Variants in FOXP2 observed in about 807,000 individuals in gnomAD.
FOXP2 encodes forkhead box P2.
A neutral mutation model predicts 115.8 loss-of-function variants in FOXP2; 12 were observed. The ratio of observed to expected loss-of-function variants is 0.10; its 90% CI spans 0.07 to 0.17. FOXP2 has a LOEUF of 0.17. FOXP2 is among the 10% of genes least tolerant of loss of function. The pLI, the probability that FOXP2 is intolerant of heterozygous loss-of-function variation, is 1.00. For synonymous variants in FOXP2, 328 were observed against 297.7 expected (o/e 1.10, Z -1.05); for missense variants, 629 against 843.5 (o/e 0.75, Z 3.15).
intron 2 of FOXP2, among the ~76,000 whole-genome samples, chr7:114,382,506 G>C (rs540719645): frequency 2.0e-5 from 3 of 152,240 alleles, no homozygotes; most frequent in East Asian, 1.9e-4. Flanking sequence ...CTGGAAGCAA[G>C]CCCTATTAGG....
intron 2 of FOXP2, among the ~76,000 whole-genome samples, chr7:114,488,980 C>T (rs1315924029): frequency 1.3e-5 from 2 of 151,830 alleles, no homozygotes; most frequent in African/African-American, 4.8e-5. Flanking sequence ...AGAATAAAAC[C>T]CACTGTGATC....
At chr7:114,145,431 T>TTTTTTTCTTTTCTTTTCTTTTCTTTTC (rs1792337225) in intron 1 of FOXP2, among the ~76,000 whole-genome samples, 1 of 100,446 alleles carries the variant, frequency 1.0e-5, no homozygotes, top group Non-Finnish European at 2.2e-5. Flanking sequence ...GCTTTGCCAT[T>TTTTTTTCTTTTCTTTTCTTTTCTTTTC]TTTTCTTTTC....
chr7:114,507,614 A>G (rs1445256174), intron 2 of FOXP2, among the ~76,000 whole-genome samples: 1 of 151,936 alleles, frequency 6.6e-6, no homozygotes, highest in Admixed American at 6.6e-5. Flanking sequence ...GAAGGATGTC[A>G]CAGCTGAAGT....
chr7:114,202,056 C>T (rs1584542036), intron 1 of FOXP2, among the ~76,000 whole-genome samples: 1 of 152,276 alleles, frequency 6.6e-6, no homozygotes, highest in Admixed American at 6.5e-5. Context: ...CATGACCACA[C>T]AATTGGCAAT....
At chr7:114,387,769 T>C (rs993502183) in intron 2 of FOXP2, among the ~76,000 whole-genome samples, 1 of 152,198 alleles carries the variant, frequency 6.6e-6, no homozygotes, top group African/African-American at 2.4e-5. Flanking sequence ...AATCCTGGCA[T>C]GGTTTCTTAT....
intron 1 of FOXP2, among the ~76,000 whole-genome samples, chr7:114,422,377 C>T (rs1014717741): frequency 4.4e-4 from 66 of 151,598 alleles, no homozygotes; most frequent in African/African-American, 1.5e-3. Context: ...AGTAAGACTC[C>T]TCCACCAAAA....
At chr7:114,131,819 C>T (rs1791886432) in intron 1 of FOXP2, among the ~76,000 whole-genome samples, 1 of 152,128 alleles carries the variant, frequency 6.6e-6, no homozygotes, top group Non-Finnish European at 1.5e-5. Context: ...AAATCATTCA[C>T]ATAGGGTAGT....
chr7:114,417,409 T>C (rs1490993645), intron 1 of FOXP2, among the ~76,000 whole-genome samples: 1 of 152,012 alleles, frequency 6.6e-6, no homozygotes, highest in Non-Finnish European at 1.5e-5. Flanking sequence ...ATTTAGTATG[T>C]ACAAGTCAAT....
rs138684494 is a variant in FOXP2, at chr7:114,329,644, T to TTTTATTTA, written c.-11+41575_-11+41582dup. On this transcript the variant is annotated intron_variant, in intron 2 of 17. Coordinates refer to the FOXP2 transcript ENST00000634411. ...ACCGTGCCATTTTTCACTATGTAAG[T>TTTTATTTA]TTTATTTATTTATTTATTTATTTAT... Among the ~76,000 whole-genome samples, 182 of 147,538 alleles carry TTTTATTTA rather than the reference T, an allele frequency of 1.2e-3. 1 individual carries two copies. Among genetic ancestry groups the TTTTATTTA allele is most frequent in the Middle Eastern group, 3.4e-3 (1 of 290 alleles).
intron 2 of FOXP2, among the ~76,000 whole-genome samples, chr7:114,467,401 G>A (rs1280872901): frequency 1.3e-5 from 2 of 152,122 alleles, no homozygotes; most frequent in African/African-American, 4.8e-5. Flanking sequence ...AGAAGTGCCT[G>A]TAAACTCCAA....
intron 2 of FOXP2, among the ~76,000 whole-genome samples, chr7:114,517,482 A>C (rs994344011): frequency 4.6e-5 from 7 of 152,042 alleles, no homozygotes; most frequent in Non-Finnish European, 1.0e-4. Context: ...CTACATTTAC[A>C]GTTGTTTATG....
intron 1 of FOXP2, among the ~76,000 whole-genome samples, chr7:114,135,325 T>C (rs1013954076): frequency 4.8e-4 from 73 of 152,278 alleles, no homozygotes; most frequent in Non-Finnish European, 9.4e-4. Flanking sequence ...ACCTATTTTG[T>C]AGGTAAAAGC....
rs112984622 is a variant in FOXP2, at chr7:114,445,965, G to C, written c.168+19286G>C. ...GTGTGACAATGTAATAGCCAATCTG[G>C]TACTGTAATTAGAAATTCACCTTCA... On this transcript the variant is annotated intron_variant, in intron 2 of 16. Transcript: ENST00000350908. 9.1e-3 allele frequency among the ~76,000 whole-genome samples: 1,387 copies of C among 152,058 alleles called. 10 individuals carry two copies. The highest frequency in any genetic ancestry group is 0.013 in the Non-Finnish European group (857 of 67,940).
intron 3 of FOXP2, among the ~76,000 whole-genome samples, chr7:114,547,330 TCCTA>T (rs930736845): frequency 1.0e-3 from 157 of 152,316 alleles, no homozygotes; most frequent in African/African-American, 3.7e-3. Context: ...ATCCCTTACT[TCCTA>T]CCTATTTTCT....
At chr7:114,648,722 A>G (rs1806060228) in intron 8 of FOXP2, among the ~76,000 whole-genome samples, 1 of 152,102 alleles carries the variant, frequency 6.6e-6, no homozygotes, top group Non-Finnish European at 1.5e-5. Context: ...CTACCTACCT[A>G]ACACACAGAT....
At chr7:114,418,260 A>T (rs1178348300) in intron 1 of FOXP2, among the ~76,000 whole-genome samples, 3 of 151,930 alleles carry the variant, frequency 2.0e-5, no homozygotes, top group African/African-American at 7.2e-5. Context: ...TGTAATCTTC[A>T]CCCTTATTTA....
In FOXP2 at chr7:114,534,930, C is replaced by T. The variant is rs77940441; in HGVS notation, c.258+224C>T. Among the ~76,000 whole-genome samples, 278 of 151,826 alleles carry T rather than the reference C, an allele frequency of 1.8e-3. 4 individuals are homozygous for T. The East Asian group carries it at 0.049, about 27-fold the overall frequency. On this transcript the variant is annotated intron_variant, in intron 3 of 16. Transcript: ENST00000350908. Reference sequence around the variant, plus strand: ...ACAAGGTAACTCCTTGCAAAAAATACATAGGAACCATATTTGGTGTACATA... The same window carrying T: ...ACAAGGTAACTCCTTGCAAAAAATATATAGGAACCATATTTGGTGTACATA...
chr7:114,275,066 CTT>C (rs1322715117), intron 1 of FOXP2, among the ~76,000 whole-genome samples: 1 of 151,828 alleles, frequency 6.6e-6, no homozygotes, highest in East Asian at 1.9e-4. Flanking sequence ...TTCTTTTCCT[CTT>C]TATTTTTTCA....
chr7:114,451,552 C>T (rs947845182), intron 2 of FOXP2, among the ~76,000 whole-genome samples: 12 of 151,910 alleles, frequency 7.9e-5, no homozygotes, highest in African/African-American at 2.4e-4. Context: ...TAAGTCCCTC[C>T]GTCTCATCCT....
Sources: allele counts gnomAD v4.1 joint callset (sites outside exome capture counted in the v4.1 genomes callset), GRCh38; gene constraint gnomAD v4.1.1; transcripts MANE v1.5; gene names NCBI Gene and HGNC (gene_info 2026-07-23, HGNC 2026-07-21).